Variants in CDC73 observed in about 807,000 individuals in gnomAD.
CDC73 encodes parafibromin.
Under a neutral mutation model 83.7 loss-of-function variants are expected in CDC73, and 21 were observed. The ratio of observed to expected loss-of-function variants is 0.25; its 90% confidence interval spans 0.18 to 0.36. The LOEUF is 0.36. CDC73 is among the 10% of genes least tolerant of loss of function. CDC73 has a pLI of 1.00. For missense variants in CDC73, 342 were observed against 653.3 expected (o/e 0.52, Z 5.19); for synonymous variants, 224 against 212.9 (o/e 1.05, Z -0.45).
intron 10 of CDC73, among the ~76,000 whole-genome samples, chr1:193,190,881 T>C (rs902595921): frequency 6.6e-6 from 1 of 152,180 alleles, no homozygotes; most frequent in South Asian, 2.1e-4. Context: ...CGAGGTGTTC[T>C]AGAAGTTTGT....
At chr1:193,181,615 C>A in intron 10 of CDC73, 1 of 1,442,914 alleles carries the variant, frequency 6.9e-7, no homozygotes, top group South Asian at 1.4e-5. Context: ...AAAATGTTTT[C>A]TTCTCCTTAA....
In CDC73 at chr1:193,161,762, AAT is replaced by A. The variant is rs1262744137; in HGVS notation, c.972+9325_972+9326del. ...ATATATATCATATTATATTGTATAT[AAT>A]ATATATCATATTATATTGTATATAA... On this transcript the variant is annotated intron_variant, in intron 10 of 16. Coordinates refer to ENST00000367435, the MANE Select transcript of CDC73 (RefSeq NM_024529.5). 8.2e-5 allele frequency among the ~76,000 whole-genome samples: 2 copies of A among 24,516 alleles called. 1 individual carries two copies. The highest frequency in any genetic ancestry group is 1.5e-4 in the Non-Finnish European group (2 of 13,102). The allele number at this position is 24,516 out of a possible 152,430, so 16.1% of individuals were successfully genotyped here.
chr1:193,132,160 G>C (rs1471251570), intron 3 of CDC73, among the ~76,000 whole-genome samples: 1 of 152,290 alleles, frequency 6.6e-6, no homozygotes, highest in Middle Eastern at 3.4e-3. Context: ...GTACCTTTAA[G>C]TCATTAACAG....
chr1:193,135,277 T>G, intron 3 of CDC73, 114 bp from the exon 4 acceptor site: 1 of 835,472 alleles, frequency 1.2e-6, no homozygotes, highest in Admixed American at 2.2e-5. Context: ...ATTTTTTACC[T>G]AGAGAAAATC....
rs1676129444 is a variant in CDC73, at chr1:193,152,360, A to G, written c.908-20A>G. 1 of 1,557,414 alleles carries G rather than the reference A, an allele frequency of 6.4e-7. No homozygotes were observed. The highest frequency in any genetic ancestry group is 1.1e-5 in the South Asian group (1 of 89,804). ...ACATGATCTATAAAATCTTAACAAT[A>G]AGCCTCTTTTTTTTCGTAGAAACGG... On this transcript the variant is annotated intron_variant, in intron 9 of 16. Transcript: ENST00000367435.
At chr1:193,219,693 G>T (rs1346063306) in intron 13 of CDC73, among the ~76,000 whole-genome samples, 2 of 152,110 alleles carry the variant, frequency 1.3e-5, no homozygotes, top group Non-Finnish European at 2.9e-5. Context: ...GTACATGTTG[G>T]ACACAAAGAG....
intron 13 of CDC73, among the ~76,000 whole-genome samples, chr1:193,212,907 T>G (rs1677302691): frequency 6.6e-6 from 1 of 152,132 alleles, no homozygotes; most frequent in Admixed American, 6.5e-5. Flanking sequence ...AAATGAAACC[T>G]ATAAATGATG....
intron 5 of CDC73, among the ~76,000 whole-genome samples, chr1:193,137,213 A>G (rs1349474132): frequency 6.6e-6 from 1 of 152,240 alleles, no homozygotes; most frequent in Non-Finnish European, 1.5e-5. Flanking sequence ...TTGCAAATGG[A>G]AAAAGTTGGA....
chr1:193,129,555 G>A (rs1215506023), intron 2 of CDC73, among the ~76,000 whole-genome samples: 1 of 149,196 alleles, frequency 6.7e-6, no homozygotes, highest in Non-Finnish European at 1.5e-5. Context: ...TGCCCAGGCC[G>A]GAGTGCAGTG....
chr1:193,217,454 GA>G (rs2102043236), intron 13 of CDC73, among the ~76,000 whole-genome samples: 1 of 152,182 alleles, frequency 6.6e-6, no homozygotes, highest in Non-Finnish European at 1.5e-5. Flanking sequence ...CCAGAAAGGG[GA>G]TGGTTTTCCC....
chr1:193,172,930 A>G (rs1036868467), intron 10 of CDC73, among the ~76,000 whole-genome samples: 1 of 152,332 alleles, frequency 6.6e-6, no homozygotes, highest in East Asian at 1.9e-4. Flanking sequence ...TTTCTTTGAA[A>G]TGAGTGCATG....
Position 193,253,337 on chromosome 1 carries a change from A to G in CDC73, c.*2625A>G, listed in dbSNP as rs531872328. The G allele has an allele frequency of 7.3e-5, 17 of 232,446 alleles. No homozygotes were observed. The highest frequency in any genetic ancestry group is 1.3e-4 in the Non-Finnish European group (15 of 117,560). 14.4% of individuals were successfully genotyped at this position (232,446 alleles called of 1,614,324 possible). A position where few individuals can be genotyped will look rare whatever the true frequency, so the allele number is the denominator to read the frequency against. On this transcript the variant is annotated 3_prime_UTR_variant, in exon 17 of 17. Coordinates refer to ENST00000367435, the MANE Select transcript of CDC73 (RefSeq NM_024529.5). ...TTCAGAATCACTGGTTTAATTTGTT[A>G]TTGAAAACAGTACCAGTATTAAATG...
At chr1:193,205,401 A>G (rs1677172048) in intron 11 of CDC73, among the ~76,000 whole-genome samples, 1 of 152,014 alleles carries the variant, frequency 6.6e-6, no homozygotes, top group Non-Finnish European at 1.5e-5. Context: ...TGAATATTAA[A>G]TATTTTCTGG....
At chr1:193,248,813 C>T (rs1057405735) in intron 15 of CDC73, among the ~76,000 whole-genome samples, 1 of 152,054 alleles carries the variant, frequency 6.6e-6, no homozygotes, top group African/African-American at 2.4e-5. Flanking sequence ...CACACTCATG[C>T]TGGAACTTGA....
At chr1:193,138,375 A>C (rs1675838918) in intron 6 of CDC73, among the ~76,000 whole-genome samples, 1 of 152,176 alleles carries the variant, frequency 6.6e-6, no homozygotes, top group Non-Finnish European at 1.5e-5. Flanking sequence ...TCTTGTTTCT[A>C]TTACCATGTT....
chr1:193,159,908 A>G (rs1676279653), intron 10 of CDC73, among the ~76,000 whole-genome samples: 1 of 152,198 alleles, frequency 6.6e-6, no homozygotes. Context: ...TGCCAGCATT[A>G]TTAGCATTTT....
In CDC73 at chr1:193,141,959, C is replaced by T; in HGVS notation, c.622C>T (p.Leu208Phe). Residue 208 changes from leucine (L) to phenylalanine (F), a missense_variant, in exon 7 of 17, where the codon CTT becomes TTT. Leu to Phe is a conservative substitution (Grantham distance 22, BLOSUM62 0). Around this residue, in one of 3 missense-constraint regions of CDC73, gnomAD observed 239 missense variants for 420.6 expected, o/e 0.57. Coordinates refer to ENST00000367435, the MANE Select transcript of CDC73 (RefSeq NM_024529.5). ...TGATCTAGATGATGACATAACTGCC[C>T]TTAAACAGAGGAGTTTTGTGGATGC... is the stretch of plus-strand genomic sequence containing the variant. Reference protein sequence around the residue: ...KTDLDDDITALKQRSFVDAEV... With the variant: ...KTDLDDDITAFKQRSFVDAEV... The T allele has an allele frequency of 6.2e-7, 1 of 1,613,782 alleles. No individual in the cohort carries two copies. Among genetic ancestry groups the T allele is most frequent in the African/African-American group, 1.3e-5 (1 of 75,022 alleles).
intron 3 of CDC73, among the ~76,000 whole-genome samples, chr1:193,132,066 A>G (rs916902126): frequency 6.6e-6 from 1 of 152,216 alleles, no homozygotes; most frequent in African/African-American, 2.4e-5. Context: ...ATAAATGAGT[A>G]ATTATTAATT....
intron 6 of CDC73, among the ~76,000 whole-genome samples, chr1:193,139,317 A>T (rs1349024117): frequency 2.0e-5 from 3 of 150,538 alleles, no homozygotes; most frequent in Admixed American, 2.0e-4. Flanking sequence ...CCCAGGCTGG[A>T]GTGCAGTGGC....
Sources: gnomAD v4.1 joint callset for allele counts (sites outside exome capture counted in the v4.1 genomes callset) on GRCh38, gnomAD v4.1.1 for gene constraint, gnomAD v4.1.1 regional missense constraint, MANE v1.5 for transcripts, NCBI Gene and HGNC (gene_info 2026-07-23, HGNC 2026-07-21) for gene names.